Variants in PIGN observed in about 807,000 individuals in gnomAD.
PIGN encodes phosphatidylinositol glycan anchor biosynthesis class N.
In PIGN, 117 loss-of-function variants were observed where a neutral mutation model predicts 125.4. The ratio of observed to expected loss-of-function variants is 0.93; its 90% CI spans 0.80 to 1.09. PIGN has a LOEUF of 1.09. Among genes scored for constraint, PIGN ranks in the 50% least tolerant of loss-of-function variants. The probability of loss-of-function intolerance (pLI) is 0.00; values close to 1 mark genes in which losing one functional copy is unlikely to be tolerated. For missense variants in PIGN, 1,075 were observed against 1,094.9 expected, an observed-to-expected ratio of 0.98 and a Z score of 0.26; for synonymous variants, 392 against 377.8, an observed-to-expected ratio of 1.04 and a Z score of -0.44.
intron 14 of PIGN, among the ~76,000 whole-genome samples, chr18:62,133,028 T>G (rs2035798189): frequency 6.6e-6 from 1 of 152,222 alleles, no homozygotes; most frequent in African/African-American, 2.4e-5. Flanking sequence ...AAGCATACTT[T>G]GAGTACCCAC....
At chr18:62,055,497 G>C (rs2031647932) in intron 30 of PIGN, among the ~76,000 whole-genome samples, 1 of 152,172 alleles carries the variant, frequency 6.6e-6, no homozygotes, top group African/African-American at 2.4e-5. Flanking sequence ...GAGGGTTTCT[G>C]GGTGGGAGGG....
rs1451224743 is a variant in PIGN at position 62,111,435 on chromosome 18, T to C, written c.1435-1462A>G. On this transcript the variant is annotated intron_variant, in intron 16 of 30. Transcript: ENST00000640252. ...TAAACTCCCACCAAGACTTACTTTTTCCTGTTATCGTCACCCTAAAGTCAG... is the reference window on the plus strand; with the variant it reads ...TAAACTCCCACCAAGACTTACTTTTCCCTGTTATCGTCACCCTAAAGTCAG... Among the ~76,000 whole-genome samples, 7 of 152,176 alleles carry C rather than the reference T, an allele frequency of 4.6e-5. No individual in the cohort carries two copies. The East Asian group carries it at 1.3e-3, about 29-fold the overall frequency.
At chr18:62,118,262 T>C (rs9952039) in intron 14 of PIGN, among the ~76,000 whole-genome samples, 3,128 of 152,140 alleles carry the variant, frequency 0.021, 95 homozygotes, top group East Asian at 0.12. Flanking sequence ...TGTGCATGCA[T>C]TACTTGTTCA....
At chr18:62,143,771 C>T (rs2036220678) in intron 10 of PIGN, among the ~76,000 whole-genome samples, 1 of 152,104 alleles carries the variant, frequency 6.6e-6, no homozygotes, top group African/African-American at 2.4e-5. Flanking sequence ...GCAGTTCCTC[C>T]CAAAACACCT....
chr18:62,062,149 C>T (rs1221206391), intron 30 of PIGN, among the ~76,000 whole-genome samples: 4 of 152,210 alleles, frequency 2.6e-5, no homozygotes, highest in Non-Finnish European at 5.9e-5. Context: ...GAAAGCCTAA[C>T]TTCACCAACT....
At chr18:62,079,185 A>G (rs2033327695) in intron 28 of PIGN, among the ~76,000 whole-genome samples, 1 of 152,218 alleles carries the variant, frequency 6.6e-6, no homozygotes, top group Non-Finnish European at 1.5e-5. Flanking sequence ...ATGTGAGTAA[A>G]GACCATATTA....
intron 30 of PIGN, among the ~76,000 whole-genome samples, chr18:62,066,613 C>A (rs1476109247): frequency 6.6e-6 from 1 of 152,124 alleles, no homozygotes; most frequent in African/African-American, 2.4e-5. Context: ...GGTCTCTGAA[C>A]AGCCTTTATC....
chr18:62,172,969 C>T (rs2037391063), intron 1 of PIGN, among the ~76,000 whole-genome samples: 1 of 152,142 alleles, frequency 6.6e-6, no homozygotes, highest in Admixed American at 6.5e-5. Flanking sequence ...ACCATACGAA[C>T]ACAAAATATT....
At chr18:62,092,429 G>A (rs563601517) in intron 23 of PIGN, among the ~76,000 whole-genome samples, 5 of 151,988 alleles carry the variant, frequency 3.3e-5, no homozygotes, top group Non-Finnish European at 7.4e-5. Flanking sequence ...TATATGAGAA[G>A]TGAACAAAGG....
intron 30 of PIGN, among the ~76,000 whole-genome samples, chr18:62,055,979 T>C (rs1202897956): frequency 1.3e-5 from 2 of 150,112 alleles, no homozygotes; most frequent in Non-Finnish European, 3.0e-5. Flanking sequence ...AAATCTTCTT[T>C]TGTTTTATGT....
rs1327652207 is a variant in PIGN at position 62,175,058 on chromosome 18, TA to T, written c.-235-11403del. On this transcript the variant is annotated intron_variant, in intron 1 of 30. Transcript: ENST00000640252. ...TATATATTATAAATATATATTTTTA[TA>T]TATAATAAATATATATATTTAATAT... 6.4e-4 allele frequency among the ~76,000 whole-genome samples: 81 copies of T among 126,272 alleles called. No individual in the cohort carries two copies. The East Asian group carries it at 0.017, about 26-fold the overall frequency. 82.8% of individuals were successfully genotyped at this position (126,272 alleles called of 152,430 possible).
chr18:62,141,902 G>C (rs1211398692), intron 11 of PIGN, among the ~76,000 whole-genome samples: 2 of 152,224 alleles, frequency 1.3e-5, no homozygotes, highest in South Asian at 4.1e-4. Context: ...CCTCTCACCA[G>C]AACTTAGTGT....
At chr18:62,075,951 T>G (rs971805486) in intron 28 of PIGN, 1 of 152,282 alleles carries the variant, frequency 6.6e-6, no homozygotes, top group Non-Finnish European at 1.5e-5. Flanking sequence ...TTTTTTCTTT[T>G]TTGAGATGGA....
intron 22 of PIGN, 28 bp from the exon 23 acceptor site, chr18:62,095,978 T>C: frequency 6.9e-7 from 1 of 1,444,170 alleles, no homozygotes. Context: ...AGGTCATCTG[T>C]CAGTATAAGA....
chr18:62,054,022 G>T (rs1304465124), intron 30 of PIGN, among the ~76,000 whole-genome samples: 1 of 151,974 alleles, frequency 6.6e-6, no homozygotes, highest in Admixed American at 6.6e-5. Context: ...AGTTTCAAGA[G>T]AAATAAAAAA....
intron 30 of PIGN, among the ~76,000 whole-genome samples, chr18:62,048,698 T>TC (rs2145059083): frequency 6.7e-6 from 1 of 150,204 alleles, no homozygotes; most frequent in Non-Finnish European, 1.5e-5. Context: ...TTCTTTTCTT[T>TC]TTTTTTTTTT....
rs2036223031 is a variant in PIGN, at chr18:62,143,837, ATTGAG to A, written c.923-496_923-492del. On this transcript the variant is annotated intron_variant, in intron 10 of 30. Transcript: ENST00000640252. The stretch of plus-strand genomic sequence containing the variant: ...CTAATCACAAATGTTAACATAGTAT[ATTGAG>A]TTATTATTAAAATTGTCTTCAAAGA... Among the ~76,000 whole-genome samples the A allele has an allele frequency of 3.9e-5, 6 of 152,304 alleles. No individual in the cohort carries two copies. The South Asian group carries it at 1.2e-3, about 32-fold the overall frequency.
At position 62,123,944 on chromosome 18, in the gene PIGN, C is replaced by T. The variant is rs1455261642; in HGVS notation, c.1173-9305G>A. 2.6e-5 allele frequency among the ~76,000 whole-genome samples: 4 copies of T among 151,072 alleles called. No homozygotes were observed. The East Asian group carries it at 7.8e-4, about 29-fold the overall frequency. ...TAAAAATGAAAAAAAAAAAGTGAGA[C>T]AAAACTGTATAGAAAAGGTTTCTCA... is the stretch of plus-strand genomic sequence containing the variant. On this transcript the variant is annotated intron_variant, in intron 14 of 30. Coordinates refer to ENST00000640252, the MANE Select transcript of PIGN (RefSeq NM_176787.5).
rs940416863 is a variant in PIGN, at chr18:62,065,582, C to CA, written c.2672+7090dup. 5.9e-5 allele frequency among the ~76,000 whole-genome samples: 9 copies of CA among 151,552 alleles called. No homozygotes were observed. In the East Asian group the frequency reaches 1.4e-3, roughly 23 times the overall value. On this transcript the variant is annotated intron_variant, in intron 30 of 30. Coordinates refer to ENST00000640252, the MANE Select transcript of PIGN (RefSeq NM_176787.5). ...TGAAACCCCGTCTCTACTAAAAATA[C>CA]AAAAAAATTAGCCGGGCGAGGTGGT...
Sources: gnomAD v4.1 joint callset for allele counts (sites outside exome capture counted in the v4.1 genomes callset) on GRCh38, gnomAD v4.1.1 for gene constraint, MANE v1.5 for transcripts, NCBI Gene and HGNC (gene_info 2026-07-23, HGNC 2026-07-21) for gene names.